MECOM: variants seen among roughly 807,000 people sequenced by gnomAD.
MECOM encodes the protein histone-lysine N-methyltransferase MECOM.
MECOM carries 13 observed loss-of-function variants against 116.3 expected under a neutral mutation model. The observed-to-expected ratio is 0.11, with a 90% CI of 0.07 to 0.18. The LOEUF (loss-of-function observed/expected upper bound fraction) is 0.18, where lower values mean the gene tolerates loss of function less well. Ranked by LOEUF, MECOM falls within the 10% of genes least tolerant of loss-of-function variation. The pLI, the probability that MECOM is intolerant of heterozygous loss-of-function variation, is 1.00. For missense variants in MECOM, 1,299 were observed against 1,509.0 expected (o/e 0.86, Z 2.31); for synonymous variants, 528 against 535.2 (o/e 0.99, Z 0.19).
At chr3:169,643,198 A>ACTCCTAATTCAACTCCTAATTCAAC (rs1773719425) in intron 1 of MECOM, among the ~76,000 whole-genome samples, 2 of 152,144 alleles carry the variant, frequency 1.3e-5, no homozygotes, top group African/African-American at 4.8e-5. Flanking sequence ...TTTCTCAGGG[A>ACTCCTAATTCAACTCCTAATTCAAC]GCCTAATAAT....
chr3:169,143,263 AAC>A (rs1335070022), intron 3 of MECOM, among the ~76,000 whole-genome samples: 1 of 152,084 alleles, frequency 6.6e-6, no homozygotes, highest in Non-Finnish European at 1.5e-5. Context: ...TAGATAAGAT[AAC>A]ACTGATACTA....
At chr3:169,455,640 A>G (rs1056343405) in intron 1 of MECOM, among the ~76,000 whole-genome samples, 12 of 152,244 alleles carry the variant, frequency 7.9e-5, no homozygotes, top group African/African-American at 2.7e-4. Flanking sequence ...CATGTTTCAC[A>G]ACTTCCAGAA....
At position 169,091,133 on chromosome 3, in the gene MECOM, G is replaced by A. The variant is rs1408413932; in HGVS notation, c.3165-897C>T. On this transcript the variant is annotated intron_variant, in intron 14 of 16. Coordinates refer to ENST00000651503, the MANE Select transcript of MECOM (RefSeq NM_004991.4). Reference sequence around the variant, plus strand: ...ACATCTTTTGCACAGACATAAATTAGTTTCCAAACACACTGCCAACTTGCT... The same window carrying A: ...ACATCTTTTGCACAGACATAAATTAATTTCCAAACACACTGCCAACTTGCT... Among the ~76,000 whole-genome samples, 5 of 151,938 alleles carry A rather than the reference G, an allele frequency of 3.3e-5. No homozygotes were observed. In the South Asian group the frequency reaches 6.2e-4, roughly 19 times the overall value.
At chr3:169,103,327 C>T (rs941819898) in intron 10 of MECOM, among the ~76,000 whole-genome samples, 7 of 151,926 alleles carry the variant, frequency 4.6e-5, no homozygotes, top group African/African-American at 1.7e-4. Flanking sequence ...TTGACCCTCT[C>T]AACATGTTGT....
At chr3:169,430,045 G>T (rs1741356076) in intron 1 of MECOM, among the ~76,000 whole-genome samples, 2 of 152,210 alleles carry the variant, frequency 1.3e-5, no homozygotes, top group Admixed American at 1.3e-4. Flanking sequence ...GTTTAGAGAA[G>T]TTAGAAGTAG....
intron 1 of MECOM, among the ~76,000 whole-genome samples, chr3:169,440,367 G>A (rs1194841002): frequency 6.6e-6 from 1 of 152,174 alleles, no homozygotes; most frequent in Non-Finnish European, 1.5e-5. Flanking sequence ...TCAAAACAGA[G>A]GGGTTGTGGA....
At chr3:169,603,384 A>G (rs34390538) in intron 1 of MECOM, among the ~76,000 whole-genome samples, 96,617 of 152,084 alleles carry the variant, frequency 0.64, 30,997 homozygotes, top group East Asian at 0.74. Context: ...TAAAAAGTTT[A>G]CAAAGTAAAA....
intron 2 of MECOM, among the ~76,000 whole-genome samples, chr3:169,260,708 A>G (rs540670426): frequency 6.6e-6 from 1 of 152,330 alleles, no homozygotes; most frequent in East Asian, 1.9e-4. Context: ...CTTGTCGAGA[A>G]TGATAATATA....
intron 1 of MECOM, among the ~76,000 whole-genome samples, chr3:169,661,700 G>T (rs1776306878): frequency 6.6e-6 from 1 of 151,820 alleles, no homozygotes; most frequent in African/African-American, 2.4e-5. Flanking sequence ...GCCTGCTGAG[G>T]TGCCGCCGAC....
chr3:169,098,293 C>G (rs1239630031), intron 12 of MECOM, among the ~76,000 whole-genome samples: 1 of 152,154 alleles, frequency 6.6e-6, no homozygotes, highest in Non-Finnish European at 1.5e-5. Context: ...GTCATGTCTC[C>G]TTAGTTTTCT....
chr3:169,369,012 G>A (rs1022686257), intron 2 of MECOM, among the ~76,000 whole-genome samples: 1 of 152,006 alleles, frequency 6.6e-6, no homozygotes, highest in Admixed American at 6.6e-5. Flanking sequence ...CACCAAGGCA[G>A]ACAGAGCAAA....
chr3:169,385,852 G>C (rs1189935412), intron 1 of MECOM, among the ~76,000 whole-genome samples: 1 of 152,118 alleles, frequency 6.6e-6, no homozygotes, highest in East Asian at 1.9e-4. Flanking sequence ...GTTTACAATA[G>C]GTAAGTATCA....
intron 1 of MECOM, among the ~76,000 whole-genome samples, chr3:169,633,909 A>C (rs1329910654): frequency 6.6e-6 from 1 of 150,758 alleles, no homozygotes; most frequent in Non-Finnish European, 1.5e-5. Flanking sequence ...TGGCAAAAAA[A>C]AAAAAAAAAC....
chr3:169,124,517 T>C (rs966826923), intron 5 of MECOM, among the ~76,000 whole-genome samples: 3 of 150,480 alleles, frequency 2.0e-5, no homozygotes, highest in East Asian at 3.9e-4. Context: ...GTAAACTTTA[T>C]AACTGAGGAA....
intron 1 of MECOM, among the ~76,000 whole-genome samples, chr3:169,441,258 G>A (rs899944134): frequency 1.3e-5 from 2 of 152,018 alleles, no homozygotes; most frequent in African/African-American, 4.8e-5. Context: ...GCGCAACCAA[G>A]ATATTCACGT....
chr3:169,395,496 T>C (rs1734883607), intron 1 of MECOM, among the ~76,000 whole-genome samples: 1 of 152,194 alleles, frequency 6.6e-6, no homozygotes, highest in South Asian at 2.1e-4. Context: ...CACACTCATA[T>C]GTGCACACAT....
chr3:169,263,448 C>T (rs1318275828), intron 2 of MECOM, among the ~76,000 whole-genome samples: 8 of 151,416 alleles, frequency 5.3e-5, no homozygotes, highest in African/African-American at 1.2e-4. Context: ...ATATTTAAGT[C>T]CTGCCACCGA....
intron 2 of MECOM, among the ~76,000 whole-genome samples, chr3:169,212,425 T>C (rs1750844546): frequency 6.7e-6 from 1 of 150,352 alleles, no homozygotes; most frequent in South Asian, 2.1e-4. Context: ...TAATCAGCTG[T>C]AATGTCAATG....
chr3:169,656,598 CTAT>C (rs1289550237), intron 1 of MECOM, among the ~76,000 whole-genome samples: 1 of 152,006 alleles, frequency 6.6e-6, no homozygotes, highest in East Asian at 1.9e-4. Flanking sequence ...TTAATCATGG[CTAT>C]TATTTTTGAA....
Sources: gnomAD v4.1 joint callset for allele counts (sites outside exome capture counted in the v4.1 genomes callset) on GRCh38, gnomAD v4.1.1 for gene constraint, MANE v1.5 for transcripts, NCBI Gene and HGNC (gene_info 2026-07-23, HGNC 2026-07-21) for gene names.